MGST2: variants seen among roughly 807,000 people sequenced by gnomAD.
MGST2 encodes microsomal glutathione S-transferase 2, also known as glutathione peroxidase MGST2.
In MGST2, 9 loss-of-function variants were observed where a neutral mutation model predicts 16.6. That is an observed-to-expected ratio of 0.54 (90% CI 0.33 to 0.95). The LOEUF is 0.95. Among genes scored for constraint, MGST2 ranks in the 40% least tolerant of loss-of-function variants. The pLI is 0.03. For synonymous variants in MGST2, 79 were observed against 68.0 expected, an observed-to-expected ratio of 1.16 and a Z score of -0.79; for missense variants, 159 against 175.1, an observed-to-expected ratio of 0.91 and a Z score of 0.52.
chr4:139,744,106 G>A (rs1231248112), downstream of MGST2, among the ~76,000 whole-genome samples: 1 of 152,182 alleles, frequency 6.6e-6, no homozygotes, highest in African/African-American at 2.4e-5. Flanking sequence ...CCTTGGGTAG[G>A]AACCTAGAGA....
At position 139,715,857 on chromosome 4, in the gene MGST2, C is replaced by T. The variant is rs1266876568; in HGVS notation, c.*48+11661C>T. Among the ~76,000 whole-genome samples, 1 of 151,570 alleles carries T rather than the reference C, an allele frequency of 6.6e-6. No homozygotes were observed. Among genetic ancestry groups the T allele is most frequent in the African/African-American group, 2.4e-5 (1 of 40,850 alleles). On this transcript the variant is annotated intron_variant, in intron 5 of 5. Transcript: ENST00000616265. The surrounding 1 kb of genome is among the most constrained non-coding windows in gnomAD (Gnocchi z 4.4). ...TTTATGCCGTGTATTTTGTGCTGAA[C>T]TCCTATCTCATCCTGTGACTTAGAA...
chr4:139,706,047 T>C (rs1579337422), downstream of MGST2, among the ~76,000 whole-genome samples: 1 of 152,202 alleles, frequency 6.6e-6, no homozygotes, highest in South Asian at 2.1e-4. Flanking sequence ...TTTTCTTTTT[T>C]TGTGGATACA....
chr4:139,717,866 T>G (rs773765788), intron 5 of MGST2: 1 of 152,070 alleles, frequency 6.6e-6, no homozygotes, highest in Non-Finnish European at 1.5e-5. Context: ...GCCTTGTTGA[T>G]TCCTTCTGAC....
intron 2 of MGST2, among the ~76,000 whole-genome samples, chr4:139,689,569 C>A (rs900648866): frequency 6.6e-6 from 1 of 152,234 alleles, no homozygotes; most frequent in Non-Finnish European, 1.5e-5. Context: ...AAGGCCGGGT[C>A]ATCCATTCAG....
intron 5 of MGST2, among the ~76,000 whole-genome samples, chr4:139,739,679 G>GTTTCTTTTTTTTTTTTTT (rs200037455): frequency 7.6e-6 from 1 of 132,358 alleles, no homozygotes; most frequent in African/African-American, 2.8e-5. Context: ...GAGGAAAGCA[G>GTTTCTTTTTTTTTTTTTT]TTTTTTTTTT....
intron 5 of MGST2, chr4:139,718,062 G>GGAT (rs1207052123): frequency 1.3e-5 from 2 of 152,072 alleles, no homozygotes; most frequent in Non-Finnish European, 2.9e-5. Flanking sequence ...TGATGAGTAG[G>GGAT]GATGATGGGA....
intron 3 of MGST2, among the ~76,000 whole-genome samples, chr4:139,702,214 A>G (rs1727287558): frequency 6.6e-6 from 1 of 152,182 alleles, no homozygotes; most frequent in Non-Finnish European, 1.5e-5. Flanking sequence ...TAAATTTTGT[A>G]TGTAATAAAA....
intron 2 of MGST2, among the ~76,000 whole-genome samples, chr4:139,691,694 G>GATTATTATTATTATTATTATT (rs1491509102): frequency 4.6e-5 from 6 of 130,712 alleles, no homozygotes; most frequent in African/African-American, 2.1e-4. Context: ...TGATGATGAT[G>GATTATTATTATTATTATTATT]ATGATTATTA....
chr4:139,744,519 C>G (rs938032262), downstream of MGST2, among the ~76,000 whole-genome samples: 2 of 152,210 alleles, frequency 1.3e-5, no homozygotes, highest in Non-Finnish European at 2.9e-5. Context: ...ATACCTCCCC[C>G]TGAAGTCTGA....
intron 2 of MGST2, among the ~76,000 whole-genome samples, chr4:139,686,570 A>G (rs1481914032): frequency 2.0e-5 from 3 of 152,124 alleles, no homozygotes; most frequent in Non-Finnish European, 2.9e-5. Context: ...AAAGAATCTC[A>G]TGGTCAGAGC....
intron 5 of MGST2, among the ~76,000 whole-genome samples, chr4:139,739,638 A>T (rs972327578): frequency 1.3e-5 from 2 of 150,556 alleles, no homozygotes; most frequent in Non-Finnish European, 3.0e-5. Flanking sequence ...CATAGGAAAA[A>T]GCTTACCATA....
intron 1 of MGST2, among the ~76,000 whole-genome samples, chr4:139,669,083 A>G (rs1203755801): frequency 6.6e-6 from 1 of 152,128 alleles, no homozygotes; most frequent in Non-Finnish European, 1.5e-5. Context: ...CTGGTCAGTT[A>G]TGCCTGAATT....
At chr4:139,695,370 C>T in intron 3 of MGST2, 103 bp downstream of exon 3, 1 of 1,011,872 alleles carries the variant, frequency 9.9e-7, no homozygotes, top group Admixed American at 1.8e-5. Context: ...ACCTATATTC[C>T]CAGCACTTTG....
downstream of MGST2, among the ~76,000 whole-genome samples, chr4:139,708,239 A>G (rs1032755088): frequency 3.3e-5 from 5 of 152,188 alleles, no homozygotes; most frequent in African/African-American, 9.7e-5. Context: ...TAATTTTTGT[A>G]TAAGGTGTAA....
At chr4:139,686,292 G>C (rs958980243) in intron 2 of MGST2, among the ~76,000 whole-genome samples, 6 of 151,024 alleles carry the variant, frequency 4.0e-5, no homozygotes, top group African/African-American at 1.4e-4. Context: ...GGATTATGGA[G>C]ACCAAAGTTC....
At chr4:139,704,294 G>C, downstream of MGST2, 2 of 1,070,188 alleles carry the variant, frequency 1.9e-6, no homozygotes, top group African/African-American at 3.2e-5. Context: ...TACATTTCCT[G>C]TTTAAGAACT....
intron 5 of MGST2, among the ~76,000 whole-genome samples, chr4:139,724,775 CTTTT>C (rs34621312): frequency 1.5e-5 from 2 of 130,228 alleles, no homozygotes. Context: ...CCTCAAGGGT[CTTTT>C]TTTTTTTTTT....
chr4:139,729,266 T>C (rs1283821045), intron 5 of MGST2, among the ~76,000 whole-genome samples: 2 of 151,264 alleles, frequency 1.3e-5, no homozygotes, highest in East Asian at 1.9e-4. Flanking sequence ...TCTTGGTTAA[T>C]AGGGACCTCC....
Position 139,715,407 on chromosome 4 carries a change from A to C in MGST2, c.*48+11211A>C. 6.6e-6 allele frequency among the ~76,000 whole-genome samples: 1 copy of C among 152,066 alleles called. No homozygotes were observed. Among genetic ancestry groups the C allele is most frequent in the East Asian group, 1.9e-4 (1 of 5,184 alleles). On this transcript the variant is annotated intron_variant, in intron 5 of 5. Transcript: ENST00000616265. The surrounding 1 kb of genome is among the most constrained non-coding windows in gnomAD (Gnocchi z 4.4). ...TATTGTCCCTTCGGTGGTTGCCAGA[A>C]ATATGTTGCAGGACAGAGAAATGTG... is the stretch of plus-strand genomic sequence containing the variant.
Sources: gnomAD v4.1 joint callset for allele counts (sites outside exome capture counted in the v4.1 genomes callset) on GRCh38, gnomAD v4.1.1 for gene constraint, Gnocchi (gnomAD v3.1) non-coding constraint, MANE v1.5 for transcripts, NCBI Gene and HGNC (gene_info 2026-07-23, HGNC 2026-07-21) for gene names.